The following RAP1GDS1 variants were observed in gnomAD, a reference collection of about 807,000 sequenced individuals.
The protein encoded by RAP1GDS1 is Rap1 GTPase-GDP dissociation stimulator 1.
Under a neutral mutation model 71.1 loss-of-function variants are expected in RAP1GDS1, and 35 were observed. That is an observed-to-expected ratio of 0.49 (90% CI 0.38 to 0.65). The LOEUF (loss-of-function observed/expected upper bound fraction) is 0.65. Among genes scored for constraint, RAP1GDS1 ranks in the 30% least tolerant of loss-of-function variants. The pLI, the probability that RAP1GDS1 is intolerant of heterozygous loss-of-function variation, is 0.00. For synonymous variants in RAP1GDS1, 229 were observed against 243.1 expected (o/e 0.94, Z 0.54); for missense variants, 663 against 706.1 (o/e 0.94, Z 0.69).
intron 2 of RAP1GDS1, among the ~76,000 whole-genome samples, chr4:98,334,348 G>A (rs1457531334): frequency 6.6e-6 from 1 of 152,002 alleles, no homozygotes; most frequent in Non-Finnish European, 1.5e-5. Flanking sequence ...CTTTGACTCA[G>A]TTTCACATGA....
chr4:98,302,151 C>G (rs1042927588), intron 2 of RAP1GDS1, among the ~76,000 whole-genome samples: 2 of 152,186 alleles, frequency 1.3e-5, no homozygotes, highest in African/African-American at 4.8e-5. Flanking sequence ...AATTTTCCAT[C>G]TAAGCCATCT....
At chr4:98,434,676 A>C (rs1001781191) in intron 13 of RAP1GDS1, among the ~76,000 whole-genome samples, 2 of 148,294 alleles carry the variant, frequency 1.3e-5, no homozygotes, top group Admixed American at 6.8e-5. Context: ...GCTAGAGTGC[A>C]GTGGCGCAAT....
chr4:98,313,176 G>A (rs886173428), intron 2 of RAP1GDS1, among the ~76,000 whole-genome samples: 2 of 151,982 alleles, frequency 1.3e-5, no homozygotes, highest in Admixed American at 6.5e-5. Context: ...CTAGGGAAGG[G>A]CTGATGCTGC....
At chr4:98,355,556 T>G (rs1381356647) in intron 4 of RAP1GDS1, among the ~76,000 whole-genome samples, 1 of 152,194 alleles carries the variant, frequency 6.6e-6, no homozygotes, top group East Asian at 1.9e-4. Flanking sequence ...AATTCACTAT[T>G]GGAGATAAAA....
intron 2 of RAP1GDS1, among the ~76,000 whole-genome samples, chr4:98,315,689 G>A (rs1261136583): frequency 6.6e-6 from 1 of 152,002 alleles, no homozygotes; most frequent in African/African-American, 2.4e-5. Context: ...GGGCATAAGG[G>A]ATCATATTAT....
At chr4:98,319,670 A>C (rs148444098) in intron 2 of RAP1GDS1, among the ~76,000 whole-genome samples, 4 of 151,348 alleles carry the variant, frequency 2.6e-5, no homozygotes, top group African/African-American at 9.7e-5. Flanking sequence ...AATCCCAGCT[A>C]CTCGGGAGGT....
At chr4:98,273,723 G>A (rs1283445702) in intron 1 of RAP1GDS1, among the ~76,000 whole-genome samples, 1 of 152,074 alleles carries the variant, frequency 6.6e-6, no homozygotes, top group African/African-American at 2.4e-5. Flanking sequence ...TGTATGGAAG[G>A]CACTAATAGA....
rs60883587 is a variant in RAP1GDS1, at chr4:98,330,902, T to C, written c.113-12237T>C. 4.9e-3 allele frequency among the ~76,000 whole-genome samples: 751 copies of C among 152,314 alleles called. 6 individuals are homozygous for C. The highest frequency in any genetic ancestry group is 0.018 in the South Asian group (86 of 4,832). On this transcript the variant is annotated intron_variant, in intron 2 of 14. Transcript: ENST00000408927. ...CTCACTTCCTAGATGGGCTGGCAGC[T>C]GGGCAGAGGCTGCAATCTCAGCACT...
rs931318234 is a variant in RAP1GDS1 at position 98,318,319 on chromosome 4, G to T, written c.112+24804G>T. ...CAGTAGATGCCTGAAACTGTGGGTG[G>T]TTCTGAACCCTCTGTATACAATGTT... is the stretch of plus-strand genomic sequence containing the variant. On this transcript the variant is annotated intron_variant, in intron 2 of 14. Coordinates refer to ENST00000408927, the MANE Select transcript of RAP1GDS1 (RefSeq NM_001100427.2). 2.0e-5 allele frequency among the ~76,000 whole-genome samples: 3 copies of T among 152,200 alleles called. No individual in the cohort carries two copies. In the East Asian group the frequency reaches 5.8e-4, roughly 29 times the overall value.
rs1741596870 is a variant in RAP1GDS1 at position 98,379,083 on chromosome 4, T to G, written c.428T>G (p.Leu143Arg). The change falls in exon 5 of 15, where the codon CTG (leucine) becomes CGG (arginine). Residue 143 changes from leucine to arginine, a missense_variant. Leu to Arg is a moderately radical substitution (Grantham distance 102). Transcript: ENST00000408927. ...AQIVIDHLRS[L>R]CSITDPANEK... is the part of the protein sequence containing the mutation. ...ATTGTAATTGACCATTTAAGGTCACTGTGCAGTATAACAGATCCCGCCAAT... is the reference window on the plus strand; with the variant it reads ...ATTGTAATTGACCATTTAAGGTCACGGTGCAGTATAACAGATCCCGCCAAT... 1 of 1,610,922 alleles carries G rather than the reference T, an allele frequency of 6.2e-7. No homozygotes were observed. Among genetic ancestry groups the G allele is most frequent in the Non-Finnish European group, 8.5e-7 (1 of 1,178,286 alleles).
At chr4:98,300,755 C>A (rs1170127341) in intron 2 of RAP1GDS1, among the ~76,000 whole-genome samples, 5 of 151,634 alleles carry the variant, frequency 3.3e-5, no homozygotes, top group Admixed American at 6.6e-5. Flanking sequence ...AACAAACAAA[C>A]AAAAAAAACT....
chr4:98,442,229 C>A lies in RAP1GDS1; in HGVS notation c.*112C>A. The A allele has an allele frequency of 7.0e-7, 1 of 1,425,134 alleles. No homozygotes were observed. Among genetic ancestry groups the A allele is most frequent in the South Asian group, 1.4e-5 (1 of 69,436 alleles). The allele number at this position is 1,425,134 out of a possible 1,614,324, so 88.3% of individuals were successfully genotyped here. A position where few individuals can be genotyped will look rare whatever the true frequency, so the allele number is the denominator to read the frequency against. ...ACCACTTGTGCATGCATGTGATGTT[C>A]TAATACCAATTGAAGAACCGCTGTA... On this transcript the variant is annotated 3_prime_UTR_variant, in exon 15 of 15. Transcript: ENST00000408927.
intron 1 of RAP1GDS1, among the ~76,000 whole-genome samples, chr4:98,269,796 A>T (rs1283625852): frequency 6.6e-6 from 1 of 152,172 alleles, no homozygotes; most frequent in African/African-American, 2.4e-5. Context: ...AGTATCATGC[A>T]TGTATTCCAA....
At chr4:98,425,338 G>A (rs182752394) in intron 12 of RAP1GDS1, among the ~76,000 whole-genome samples, 15 of 151,994 alleles carry the variant, frequency 9.9e-5, no homozygotes, top group Non-Finnish European at 2.1e-4. Context: ...AAAAAAGTGG[G>A]GGGTATACAG....
At chr4:98,375,580 A>G (rs1179460044) in intron 4 of RAP1GDS1, among the ~76,000 whole-genome samples, 2 of 152,212 alleles carry the variant, frequency 1.3e-5, no homozygotes, top group African/African-American at 4.8e-5. Context: ...CATATTAGAA[A>G]GATTTTTGAT....
At chr4:98,417,554 G>T (rs368033147) in intron 9 of RAP1GDS1, 56 bp downstream of exon 9, 3 of 1,549,160 alleles carry the variant, frequency 1.9e-6, no homozygotes, top group East Asian at 2.3e-5. Context: ...GTTTATTTTT[G>T]CTTTGCTACC....
At chr4:98,352,385 A>C in intron 3 of RAP1GDS1, 91 bp from the exon 4 acceptor site, 1 of 1,388,584 alleles carries the variant, frequency 7.2e-7, no homozygotes, top group East Asian at 2.3e-5. Flanking sequence ...AATACCACAT[A>C]TTAAAAGTAG....
intron 7 of RAP1GDS1, among the ~76,000 whole-genome samples, chr4:98,410,028 T>TG (rs1746794577): frequency 6.6e-6 from 1 of 152,108 alleles, no homozygotes; most frequent in Non-Finnish European, 1.5e-5. Flanking sequence ...CTAATGGCTT[T>TG]GGGAGGGCAA....
intron 12 of RAP1GDS1, among the ~76,000 whole-genome samples, chr4:98,431,509 T>C (rs1750407779): frequency 6.6e-6 from 1 of 152,214 alleles, no homozygotes; most frequent in Non-Finnish European, 1.5e-5. Flanking sequence ...TCTATAAGAA[T>C]AGAACTATGA....
Sources: allele counts gnomAD v4.1 joint callset (sites outside exome capture counted in the v4.1 genomes callset), GRCh38; gene constraint gnomAD v4.1.1; transcripts MANE v1.5; gene names NCBI Gene and HGNC (gene_info 2026-07-23, HGNC 2026-07-21).